ZNF850: variants seen among roughly 807,000 people sequenced by gnomAD.
The protein encoded by ZNF850 is zinc finger protein 850.
ZNF850 carries 2 observed loss-of-function variants against 11.9 expected under a neutral mutation model. The observed-to-expected ratio is 0.17, with a 90% confidence interval of 0.07 to 0.53. The LOEUF (loss-of-function observed/expected upper bound fraction) is 0.53. Ranked by LOEUF, ZNF850 falls within the 20% of genes least tolerant of loss-of-function variation. The pLI, the probability that ZNF850 is intolerant of heterozygous loss-of-function variation, is 0.94. For missense variants in ZNF850, 1,014 were observed against 1,316.4 expected (o/e 0.77, Z 3.55); for synonymous variants, 381 against 443.0 (o/e 0.86, Z 1.76).
chr19:36,770,703 C>CAAAAAAAAAAAAAA lies in ZNF850; in HGVS notation c.-70+2008_-70+2021dup, dbSNP rs567709722. Among the ~76,000 whole-genome samples, 23 of 66,610 alleles carry CAAAAAAAAAAAAAA rather than the reference C, an allele frequency of 3.5e-4. 4 individuals carry two copies. The highest frequency in any genetic ancestry group is 6.0e-4 in the Non-Finnish European group (19 of 31,918). 43.7% of individuals were successfully genotyped at this position (66,610 alleles called of 152,430 possible). ...TCTGGGCGACAGAGAGAGACTCCAT[C>CAAAAAAAAAAAAAA]AAAAAAAAAAAAAAAAAAAAAAAAA... On this transcript the variant is annotated intron_variant, in intron 1 of 4. Transcript: ENST00000591344.
Position 36,771,251 on chromosome 19 carries a change from G to A in ZNF850, c.-70+1474C>T, listed in dbSNP as rs535296356. 1.4e-4 allele frequency among the ~76,000 whole-genome samples: 21 copies of A among 152,304 alleles called. No individual in the cohort carries two copies. In the East Asian group the frequency reaches 4.1e-3, roughly 29 times the overall value. ...GACCCAAAAGAGGGTTGCCAACTAG[G>A]AGGCTGAATCTGGGGGGGTTTATTA... On this transcript the variant is annotated intron_variant, in intron 1 of 4. Coordinates refer to ENST00000591344, the MANE Select transcript of ZNF850 (RefSeq NM_001193552.2).
chr19:36,755,516 T>C (rs1163260109), intron 4 of ZNF850, among the ~76,000 whole-genome samples: 1 of 152,112 alleles, frequency 6.6e-6, no homozygotes, highest in Non-Finnish European at 1.5e-5. Context: ...CCACCGCACC[T>C]GGCCTAAAAA....
chr19:36,761,684 G>A lies in ZNF850; in HGVS notation c.194C>T (p.Pro65Leu). The change falls in exon 4 of 5, where the codon CCC (proline) becomes CTC (leucine). Residue 65 changes from proline (P) to leucine (L), a missense_variant. Transcript: ENST00000591344. ...CAGCACGTCCCTTGAAACCATCCAG[G>A]GCTCTTTCCCTTGCTCCAGTAAGGA... is the stretch of plus-strand genomic sequence containing the variant. ...VISLLEQGKEPWMVSRDVLGG... is the reference protein window; with the variant it reads ...VISLLEQGKELWMVSRDVLGG... 11 of 1,562,148 alleles carry A rather than the reference G, an allele frequency of 7.0e-6. No individual in the cohort carries two copies. The highest frequency in any genetic ancestry group is 8.6e-6 in the Non-Finnish European group (10 of 1,160,194).
intron 1 of ZNF850, among the ~76,000 whole-genome samples, chr19:36,769,025 C>A (rs1439745804): frequency 6.6e-6 from 1 of 150,834 alleles, no homozygotes; most frequent in Non-Finnish European, 1.5e-5. Context: ...CTTTGGGAGG[C>A]AGAGGTGGGT....
chr19:36,749,922 G>C lies in ZNF850; in HGVS notation c.1118C>G (p.Ser373Cys). 1 of 1,571,436 alleles carries C rather than the reference G, an allele frequency of 6.4e-7. No individual in the cohort carries two copies. The highest frequency in any genetic ancestry group is 8.6e-7 in the Non-Finnish European group (1 of 1,160,752). Residue 373 changes from serine to cysteine, a missense_variant, in exon 5 of 5, where the codon TCT becomes TGT. Ser to Cys is a moderately radical substitution (Grantham distance 112, BLOSUM62 -1). Around this residue, in one of 2 missense-constraint regions of ZNF850, gnomAD observed 835 missense variants for 1,022.0 expected, o/e 0.82. Coordinates refer to ENST00000591344, the MANE Select transcript of ZNF850 (RefSeq NM_001193552.2). ...KPYDCKECGK[S>C]FTFHSALIRH... ...AATTAGAGCTGAGTGAAAAGTAAAA[G>C]ATTTTCCACATTCCTTACAGTCATA...
chr19:36,768,270 A>G (rs1463503196), intron 1 of ZNF850, among the ~76,000 whole-genome samples: 1 of 152,132 alleles, frequency 6.6e-6, no homozygotes. Context: ...TAGGTGTTCA[A>G]TAAACGTAGG....
intron 4 of ZNF850, among the ~76,000 whole-genome samples, chr19:36,761,035 G>C (rs1389697163): frequency 6.6e-6 from 1 of 152,158 alleles, no homozygotes; most frequent in Admixed American, 6.6e-5. Context: ...AGGGAAAGAA[G>C]TAGCTTGAAG....
intron 4 of ZNF850, among the ~76,000 whole-genome samples, chr19:36,754,168 T>C (rs543552666): frequency 1.1e-4 from 14 of 128,098 alleles, no homozygotes; most frequent in Non-Finnish European, 2.0e-4. Context: ...AGAGACCCTG[T>C]CTCAAAAAAA....
chr19:36,757,758 T>C (rs2040495565), intron 4 of ZNF850, among the ~76,000 whole-genome samples: 1 of 152,056 alleles, frequency 6.6e-6, no homozygotes, highest in African/African-American at 2.4e-5. Context: ...ACTCCTGACC[T>C]CAAGTGATCT....
At chr19:36,766,031 G>A (rs928119669) in intron 1 of ZNF850, among the ~76,000 whole-genome samples, 1 of 151,958 alleles carries the variant, frequency 6.6e-6, no homozygotes, top group Non-Finnish European at 1.5e-5. Flanking sequence ...TAGGAATACA[G>A]GCACACACCA....
chr19:36,749,672 T>C lies in ZNF850; in HGVS notation c.1368A>G (p.Lys456=). 6.4e-7 allele frequency: 1 copy of C among 1,557,462 alleles called. No homozygotes were observed. Among genetic ancestry groups the C allele is most frequent in the Non-Finnish European group, 8.7e-7 (1 of 1,153,774 alleles). ...GTAGTGCTGAGCCCGAAGCAAAAGATTTCCCACACTCCTTACAATCATAGG... is the reference window on the plus strand; with the variant it reads ...GTAGTGCTGAGCCCGAAGCAAAAGACTTCCCACACTCCTTACAATCATAGG... ...EKPYDCKECG[K]SFASGSALLQ... Residue 456 remains lysine (K), a synonymous_variant, in exon 5 of 5, where the codon AAA becomes AAG. Coordinates refer to ENST00000591344, the MANE Select transcript of ZNF850 (RefSeq NM_001193552.2).
At position 36,750,229 on chromosome 19, in the gene ZNF850, G is replaced by A; in HGVS notation, c.811C>T (p.His271Tyr). The A allele has an allele frequency of 6.5e-7, 1 of 1,538,516 alleles. No individual in the cohort carries two copies. ...AFRPSAHLIQHWRIHTGDKPY... is the reference protein window; with the variant it reads ...AFRPSAHLIQYWRIHTGDKPY... ...TTGTCACCAGTATGAATTCTCCAAT[G>A]TTGAATAAGATGTGCAGACGGTCTA... The change falls in exon 5 of 5, where the codon CAT becomes TAT. Residue 271 changes from histidine to tyrosine, a missense_variant. Physicochemically the swap from His to Tyr is moderately conservative, Grantham distance 83. Transcript: ENST00000591344.
At chr19:36,752,881 A>G (rs1044309387) in intron 4 of ZNF850, among the ~76,000 whole-genome samples, 2 of 152,218 alleles carry the variant, frequency 1.3e-5, no homozygotes, top group Non-Finnish European at 2.9e-5. Context: ...GGAGCAAACT[A>G]TATTCAAGAT....
rs753700795 is a variant in ZNF850, at chr19:36,743,654, T to C, written c.*4113A>G. The C allele has an allele frequency of 4.0e-5, 6 of 151,836 alleles. No homozygotes were observed. The highest frequency in any genetic ancestry group is 7.4e-5 in the Non-Finnish European group (5 of 67,970). 9.4% of individuals were successfully genotyped at this position (151,836 alleles called of 1,614,324 possible). ...GTAATCAATTACACAACAGAAAAAA[T>C]ATCCCAATCATATTATAAACAAAAG... is the stretch of plus-strand genomic sequence containing the variant. On this transcript the variant is annotated 3_prime_UTR_variant, in exon 5 of 5. Transcript: ENST00000591344.
Position 36,762,224 on chromosome 19 carries a change from T to A in ZNF850, c.139+81A>T, listed in dbSNP as rs78368642. ...ATCTACAAAACACAAAACAATTCCC[T>A]AGGCAACAGGTGAAAAGTCACCCAG... is the stretch of plus-strand genomic sequence containing the variant. On this transcript the variant is annotated intron_variant, in intron 3 of 4. Coordinates refer to ENST00000591344, the MANE Select transcript of ZNF850 (RefSeq NM_001193552.2). 3,272 of 1,231,140 alleles carry A rather than the reference T, an allele frequency of 2.7e-3. 77 individuals are homozygous for A. The Admixed American group carries it at 0.047, about 18-fold the overall frequency. The allele number at this position is 1,231,140 out of a possible 1,614,324, so 76.3% of individuals were successfully genotyped here.
chr19:36,751,234 G>A (rs2040452235), intron 4 of ZNF850, among the ~76,000 whole-genome samples: 1 of 151,752 alleles, frequency 6.6e-6, no homozygotes, highest in African/African-American at 2.4e-5. Flanking sequence ...ATCCCAAAAT[G>A]AGAGACAATC....
rs1373571220 is a variant in ZNF850, at chr19:36,743,928, C to A, written c.*3839G>T. 6.6e-6 allele frequency: 1 copy of A among 152,214 alleles called. No individual in the cohort carries two copies. Among genetic ancestry groups the A allele is most frequent in the Non-Finnish European group, 1.5e-5 (1 of 68,072 alleles). 9.4% of individuals were successfully genotyped at this position (152,214 alleles called of 1,614,324 possible). A position where few individuals can be genotyped will look rare whatever the true frequency, so the allele number is the denominator to read the frequency against. On this transcript the variant is annotated 3_prime_UTR_variant, in exon 5 of 5. Coordinates refer to ENST00000591344, the MANE Select transcript of ZNF850 (RefSeq NM_001193552.2). ...CGGGCACGTGGATCCTGCCTGTAATCCCAGCACTTTGGGAGGCCGAGGCAG... is the reference window on the plus strand; with the variant it reads ...CGGGCACGTGGATCCTGCCTGTAATACCAGCACTTTGGGAGGCCGAGGCAG...
chr19:36,766,180 C>T (rs1005565387), intron 1 of ZNF850, among the ~76,000 whole-genome samples: 2 of 152,260 alleles, frequency 1.3e-5, no homozygotes, highest in African/African-American at 4.8e-5. Flanking sequence ...GCATGAGCCA[C>T]TGAGCCAGGC....
Position 36,749,526 on chromosome 19 carries a change from T to C in ZNF850, c.1514A>G (p.Tyr505Cys), listed in dbSNP as rs1362856236. The C allele has an allele frequency of 1.2e-5, 19 of 1,545,724 alleles. No individual in the cohort carries two copies. The highest frequency in any genetic ancestry group is 1.6e-5 in the Non-Finnish European group (18 of 1,150,494). ...HQRIHTGEKP[Y>C]NCKECGKSFA... ...AGATTTTCCACATTCTTTACAATTA[T>C]AGGGTTTCTCACCAGTGTGGATTCG... Residue 505 changes from tyrosine (Y) to cysteine (C), a missense_variant, in exon 5 of 5, where the codon TAT (tyrosine) becomes TGT (cysteine). Physicochemically the swap from Tyr to Cys is radical, Grantham distance 194. Transcript: ENST00000591344.
Sources: allele counts gnomAD v4.1 joint callset (sites outside exome capture counted in the v4.1 genomes callset), GRCh38; gene constraint gnomAD v4.1.1; regional missense constraint gnomAD v4.1.1; transcripts MANE v1.5; gene names NCBI Gene and HGNC (gene_info 2026-07-23, HGNC 2026-07-21).